SVOPL: variants seen among roughly 807,000 people sequenced by gnomAD.
SVOPL encodes the protein SVOP like, also known as putative transporter SVOPL.
Under a neutral mutation model 61.0 loss-of-function variants are expected in SVOPL, and 60 were observed. The observed-to-expected ratio is 0.98, with a 90% CI of 0.80 to 1.22. The LOEUF (loss-of-function observed/expected upper bound fraction) is 1.22, where lower values mean the gene tolerates loss of function less well. Ranked by LOEUF, SVOPL falls within the 50% of genes most tolerant of loss-of-function variation. The pLI is 0.00. For missense variants in SVOPL, 662 were observed against 643.9 expected (o/e 1.03, Z -0.30); for synonymous variants, 279 against 250.0 (o/e 1.12, Z -1.09).
intron 7 of SVOPL, among the ~76,000 whole-genome samples, chr7:138,649,684 A>G (rs1382899637): frequency 1.3e-5 from 2 of 152,318 alleles, no homozygotes; most frequent in Admixed American, 6.5e-5. Context: ...AGGAAAATAG[A>G]AAAGTGTGAT....
At chr7:138,662,512 C>T (rs1273155743) in intron 5 of SVOPL, 1 of 985,456 alleles carries the variant, frequency 1.0e-6, no homozygotes, top group African/African-American at 1.7e-5. Context: ...TCTGAGCTTG[C>T]TGTTGCAGCA....
intron 14 of SVOPL, among the ~76,000 whole-genome samples, chr7:138,615,350 G>C (rs1222846327): frequency 1.3e-5 from 2 of 152,142 alleles, no homozygotes; most frequent in Admixed American, 1.3e-4. Context: ...GAAGTCAGGA[G>C]ATCAAGACCA....
intron 14 of SVOPL, among the ~76,000 whole-genome samples, chr7:138,614,289 G>A (rs1449274179): frequency 1.3e-5 from 2 of 152,052 alleles, no homozygotes; most frequent in Non-Finnish European, 2.9e-5. Context: ...CTCTTCTGAA[G>A]CCTGAAAGGC....
chr7:138,632,915 CT>C, intron 9 of SVOPL, among the ~76,000 whole-genome samples: 1 of 152,154 alleles, frequency 6.6e-6, no homozygotes, highest in Non-Finnish European at 1.5e-5. Flanking sequence ...TCTGTTAAGA[CT>C]TTTTCTTTTT....
intron 1 of SVOPL, among the ~76,000 whole-genome samples, chr7:138,699,098 G>A (rs1803134220): frequency 6.6e-6 from 1 of 152,158 alleles, no homozygotes; most frequent in Admixed American, 6.6e-5. Flanking sequence ...GTTGCAGTGA[G>A]CTGAGATCAT....
At chr7:138,611,734 G>C (rs1231174122) in intron 14 of SVOPL, among the ~76,000 whole-genome samples, 1 of 19,440 alleles carries the variant, frequency 5.1e-5, no homozygotes, top group African/African-American at 1.0e-4. Context: ...GAAAATTAAA[G>C]CTAGATAGGA....
intron 14 of SVOPL, chr7:138,597,187 T>A: frequency 7.8e-7 from 1 of 1,289,166 alleles, no homozygotes; most frequent in African/African-American, 1.5e-5. Context: ...GTGTTCTTGA[T>A]AGTTCTCCAT....
At chr7:138,633,936 A>G (rs1025733504) in intron 9 of SVOPL, among the ~76,000 whole-genome samples, 2 of 152,082 alleles carry the variant, frequency 1.3e-5, no homozygotes, top group Admixed American at 6.6e-5. Flanking sequence ...TCAGACATCA[A>G]CTCATCCCGT....
rs149010929 is a variant in SVOPL at position 138,689,358 on chromosome 7, C to T, written c.-34-10279G>A. 2.3e-4 allele frequency: 366 copies of T among 1,588,998 alleles called. 3 individuals are homozygous for T. The African/African-American group carries it at 4.1e-3, about 18-fold the overall frequency. ...AGTGAACAAAGCACCTAAGATGCGC[C>T]GCCGGATCGACAGAGCTTATGGTCG... is the stretch of plus-strand genomic sequence containing the variant. On this transcript the variant is annotated intron_variant, in intron 1 of 15. Transcript: ENST00000674285.
At chr7:138,687,701 A>G (rs1802851211) in intron 1 of SVOPL, among the ~76,000 whole-genome samples, 2 of 151,950 alleles carry the variant, frequency 1.3e-5, no homozygotes, top group South Asian at 4.2e-4. Flanking sequence ...GGTGAAAAAA[A>G]AAAAACAGAA....
intron 13 of SVOPL, among the ~76,000 whole-genome samples, chr7:138,623,267 T>A (rs1799748631): frequency 6.6e-6 from 1 of 152,156 alleles, no homozygotes; most frequent in Non-Finnish European, 1.5e-5. Flanking sequence ...CAGAAAACTA[T>A]CATTTTTAGT....
intron 1 of SVOPL, among the ~76,000 whole-genome samples, chr7:138,696,663 C>A (rs111345858): frequency 0.077 from 11,657 of 151,874 alleles, 529 homozygotes; most frequent in African/African-American, 0.11. Flanking sequence ...ACCTCAGGTG[C>A]TCCACCTGCC....
At chr7:138,643,898 A>T (rs182945713) in intron 9 of SVOPL, among the ~76,000 whole-genome samples, 41 of 152,254 alleles carry the variant, frequency 2.7e-4, no homozygotes, top group Non-Finnish European at 4.4e-4. Flanking sequence ...AACTGTTAAG[A>T]TAATAAATTA....
rs969938530 is a variant in SVOPL at position 138,680,539 on chromosome 7, G to T, written c.-34-1460C>A. Reference sequence around the variant, plus strand: ...AGAAAACTAAGACAAGTAAAGATGGGTACCAAGTCAGTGGCTTACCCACAC... The same window carrying T: ...AGAAAACTAAGACAAGTAAAGATGGTTACCAAGTCAGTGGCTTACCCACAC... On this transcript the variant is annotated intron_variant, in intron 1 of 15. Transcript: ENST00000674285. Among the ~76,000 whole-genome samples, 34 of 151,766 alleles carry T rather than the reference G, an allele frequency of 2.2e-4. 3 individuals are homozygous for T. The highest frequency in any genetic ancestry group is 2.9e-5 in the Non-Finnish European group (2 of 67,990).
chr7:138,697,743 G>T (rs1421209449), intron 1 of SVOPL, among the ~76,000 whole-genome samples: 1 of 149,028 alleles, frequency 6.7e-6, no homozygotes, highest in African/African-American at 2.5e-5. Flanking sequence ...AGGAAGAAAA[G>T]AAGAAGGAGA....
At chr7:138,608,409 T>C (rs1262219129) in intron 14 of SVOPL, among the ~76,000 whole-genome samples, 1 of 152,188 alleles carries the variant, frequency 6.6e-6, no homozygotes, top group Non-Finnish European at 1.5e-5. Context: ...AATAGGCCAA[T>C]TGCGGGAACA....
At chr7:138,628,498 G>C (rs1800003302) in intron 10 of SVOPL, 135 bp from the exon 11 acceptor site, 3 of 826,974 alleles carry the variant, frequency 3.6e-6, no homozygotes, top group Non-Finnish European at 5.6e-6. Flanking sequence ...ACGCCACACA[G>C]AGCATTCGTG....
At position 138,679,067 on chromosome 7, in the gene SVOPL, C is replaced by G; in HGVS notation, c.-22G>C. On this transcript the variant is annotated 5_prime_UTR_variant, in exon 2 of 16. Coordinates refer to ENST00000674285, the MANE Select transcript of SVOPL (RefSeq NM_001139456.2). ...CCATCTTCTAAATAGCTCAAGTTCC[C>G]CAAACAGCTTCCCTGGTGGAAGCAA... 6.5e-7 allele frequency: 1 copy of G among 1,547,492 alleles called. No individual in the cohort carries two copies. The highest frequency in any genetic ancestry group is 8.7e-7 in the Non-Finnish European group (1 of 1,143,746).
chr7:138,659,856 A>G lies in SVOPL; in HGVS notation c.470+8T>C, dbSNP rs1284837474. The G allele has an allele frequency of 1.3e-5, 20 of 1,551,182 alleles. No individual in the cohort carries two copies. The highest frequency in any genetic ancestry group is 1.7e-5 in the Non-Finnish European group (19 of 1,146,818). On this transcript the variant is annotated splice_region_variant and intron_variant, in intron 6 of 15. Coordinates refer to ENST00000674285, the MANE Select transcript of SVOPL (RefSeq NM_001139456.2). ...TCTGTCTCAGGGTCCCCTGGGTAAC[A>G]TATTTACCCTTGCGAGTGGCCGGAC...
Sources: allele counts gnomAD v4.1 joint callset (sites outside exome capture counted in the v4.1 genomes callset), GRCh38; gene constraint gnomAD v4.1.1; transcripts MANE v1.5; gene names NCBI Gene and HGNC (gene_info 2026-07-23, HGNC 2026-07-21).